Variants in CERS3 observed in about 807,000 individuals in gnomAD.
CERS3 encodes ceramide synthase 3, also known as LAG1 homolog, ceramide synthase 3.
CERS3 carries 33 observed loss-of-function variants against 50.3 expected under a neutral mutation model. That is an observed-to-expected ratio of 0.66 (90% confidence interval 0.50 to 0.88). The LOEUF (loss-of-function observed/expected upper bound fraction) is 0.88. Among genes scored for constraint, CERS3 ranks in the 40% least tolerant of loss-of-function variants. The pLI, the probability that CERS3 is intolerant of heterozygous loss-of-function variation, is 0.00. For missense variants in CERS3, 470 were observed against 460.3 expected (o/e 1.02, Z -0.19); for synonymous variants, 176 against 155.2 (o/e 1.13, Z -0.99).
At chr15:100,464,550 CTGCTCT>C (rs1483220788) in intron 10 of CERS3, among the ~76,000 whole-genome samples, 2 of 152,204 alleles carry the variant, frequency 1.3e-5, no homozygotes, top group African/African-American at 4.8e-5. Context: ...GAACCACGAT[CTGCTCT>C]TGTTATTTGT....
chr15:100,433,261 C>G (rs1319286252), intron 11 of CERS3, among the ~76,000 whole-genome samples: 2 of 150,780 alleles, frequency 1.3e-5, no homozygotes, highest in Non-Finnish European at 3.0e-5. Flanking sequence ...AAATTCAATT[C>G]AAGTACCTAA....
chr15:100,536,850 G>C (rs962248813), intron 1 of CERS3, among the ~76,000 whole-genome samples: 2 of 152,220 alleles, frequency 1.3e-5, no homozygotes, highest in African/African-American at 4.8e-5. Context: ...GGAGGTAAAA[G>C]GGTGATGAGT....
intron 5 of CERS3, among the ~76,000 whole-genome samples, chr15:100,482,488 A>C (rs10902579): frequency 0.63 from 95,767 of 151,966 alleles, 30,953 homozygotes; most frequent in Middle Eastern, 0.74. Context: ...CCCTTTCTCC[A>C]ACACTGAGGA....
chr15:100,460,931 G>A (rs1018512172), intron 10 of CERS3, among the ~76,000 whole-genome samples: 1 of 152,206 alleles, frequency 6.6e-6, no homozygotes, highest in Non-Finnish European at 1.5e-5. Flanking sequence ...TACAAAGGCT[G>A]TCAAGTGGGA....
intron 11 of CERS3, among the ~76,000 whole-genome samples, chr15:100,423,345 A>C (rs1321751096): frequency 6.6e-6 from 1 of 152,196 alleles, no homozygotes. Flanking sequence ...ACTATTCACA[A>C]TAGCAAAAAC....
chr15:100,464,525 G>T (rs1399159343), intron 10 of CERS3, among the ~76,000 whole-genome samples: 2 of 152,206 alleles, frequency 1.3e-5, no homozygotes, highest in Non-Finnish European at 2.9e-5. Flanking sequence ...CCCTTCAGGT[G>T]GACCTACCTG....
chr15:100,524,899 T>C (rs550079854), intron 1 of CERS3, among the ~76,000 whole-genome samples: 3 of 152,282 alleles, frequency 2.0e-5, no homozygotes, highest in South Asian at 4.1e-4. Context: ...ATAAAACAAA[T>C]AGACCTTATC....
intron 2 of CERS3, among the ~76,000 whole-genome samples, chr15:100,521,045 T>G (rs1488425998): frequency 1.3e-5 from 2 of 152,152 alleles, no homozygotes; most frequent in African/African-American, 2.4e-5. Context: ...TGCTTCCAAT[T>G]TGCAGGTGAA....
intron 1 of CERS3, among the ~76,000 whole-genome samples, chr15:100,540,725 T>C (rs1422464115): frequency 1.3e-5 from 2 of 152,220 alleles, no homozygotes; most frequent in Non-Finnish European, 2.9e-5. Context: ...TACAGGTATG[T>C]GTTCTGACTC....
At chr15:100,446,037 C>T (rs973430121) in intron 11 of CERS3, among the ~76,000 whole-genome samples, 3 of 152,076 alleles carry the variant, frequency 2.0e-5, no homozygotes, top group Admixed American at 2.0e-4. Flanking sequence ...TAGAGAACAA[C>T]CCCCCTTTTT....
At chr15:100,458,792 C>G (rs1020924741) in intron 10 of CERS3, among the ~76,000 whole-genome samples, 45 of 152,264 alleles carry the variant, frequency 3.0e-4, no homozygotes, top group African/African-American at 1.0e-3. Context: ...TCACCACATG[C>G]TTTTATGTAA....
intron 1 of CERS3, among the ~76,000 whole-genome samples, chr15:100,534,165 T>C (rs2037014113): frequency 6.6e-6 from 1 of 152,192 alleles, no homozygotes; most frequent in East Asian, 1.9e-4. Flanking sequence ...TGGTTACAGG[T>C]GTGGCTGTCA....
At chr15:100,498,235 G>A (rs1289020718) in intron 3 of CERS3, among the ~76,000 whole-genome samples, 1 of 152,150 alleles carries the variant, frequency 6.6e-6, no homozygotes, top group African/African-American at 2.4e-5. Flanking sequence ...AGATATAAAT[G>A]TAGTTGTCTA....
intron 2 of CERS3, among the ~76,000 whole-genome samples, chr15:100,516,798 C>T (rs2036502365): frequency 6.6e-6 from 1 of 152,158 alleles, no homozygotes. Flanking sequence ...AGGGACAGGT[C>T]CTGGAGAGGC....
At chr15:100,456,185 G>C in intron 10 of CERS3, 139 bp from the exon 11 acceptor site, 2 of 517,584 alleles carry the variant, frequency 3.9e-6, no homozygotes, top group Non-Finnish European at 6.4e-6. Flanking sequence ...CAAAAGAAAA[G>C]ATACGATAAT....
chr15:100,484,769 G>A, intron 4 of CERS3, 101 bp from the exon 5 acceptor site: 1 of 835,392 alleles, frequency 1.2e-6, no homozygotes, highest in Non-Finnish European at 2.0e-6. Context: ...CGGTACTGGG[G>A]ATGAGAGAAA....
In CERS3 at chr15:100,503,902, T is replaced by C. The variant is rs1470701752; in HGVS notation, c.-1-2052A>G. 6 of 360,948 alleles carry C rather than the reference T, an allele frequency of 1.7e-5. No homozygotes were observed. In the Admixed American group the frequency reaches 1.7e-4, roughly 10 times the overall value. The allele number at this position is 360,948 out of a possible 1,614,324, so 22.4% of individuals were successfully genotyped here. A position where few individuals can be genotyped will look rare whatever the true frequency, so the allele number is the denominator to read the frequency against. ...AAGTGAGCCCCAGAGAGAAGTGAGA[T>C]TGATGGGGAAGAAAGAAAACTCAAG... On this transcript the variant is annotated intron_variant, in intron 2 of 11. Coordinates refer to ENST00000679737, the MANE Select transcript of CERS3 (RefSeq NM_001378789.1).
At position 100,430,177 on chromosome 15, in the gene CERS3, T is replaced by TG. The variant is rs1453920508; in HGVS notation, c.999+25715dup. ...AATACAAAAAGTTAGCCAGTTGTGGTGGGGGGCGCCTGTAGTCCCAGGTAC... is the reference window on the plus strand; with the variant it reads ...AATACAAAAAGTTAGCCAGTTGTGGTGGGGGGGCGCCTGTAGTCCCAGGTAC... On this transcript the variant is annotated intron_variant, in intron 11 of 11. Coordinates refer to ENST00000679737, the MANE Select transcript of CERS3 (RefSeq NM_001378789.1). Among the ~76,000 whole-genome samples the TG allele has an allele frequency of 7.9e-5, 12 of 151,174 alleles. No individual in the cohort carries two copies. In the East Asian group the frequency reaches 2.0e-3, roughly 25 times the overall value.
chr15:100,446,997 G>T lies in CERS3; in HGVS notation c.999+8896C>A, dbSNP rs1004782828. Among the ~76,000 whole-genome samples, 14 of 152,150 alleles carry T rather than the reference G, an allele frequency of 9.2e-5. 1 individual carries two copies. Among genetic ancestry groups the T allele is most frequent in the Non-Finnish European group, 7.4e-5 (5 of 68,010 alleles). ...ACATAATAGATAGCAGCCCCTGAAA[G>T]AAATTGAAATATTTTACTCCAAAAT... is the stretch of plus-strand genomic sequence containing the variant. On this transcript the variant is annotated intron_variant, in intron 11 of 11. Transcript: ENST00000679737.
Sources: allele counts gnomAD v4.1 joint callset (sites outside exome capture counted in the v4.1 genomes callset), GRCh38; gene constraint gnomAD v4.1.1; transcripts MANE v1.5; gene names NCBI Gene and HGNC (gene_info 2026-07-23, HGNC 2026-07-21).